FBLN7: variants seen among roughly 807,000 people sequenced by gnomAD.
FBLN7 encodes the protein fibulin-7.
FBLN7 carries 31 observed loss-of-function variants against 44.0 expected under a neutral mutation model. The observed-to-expected ratio is 0.70, with a 90% CI of 0.53 to 0.95. The LOEUF (loss-of-function observed/expected upper bound fraction) is 0.95. Among genes scored for constraint, FBLN7 ranks in the 40% least tolerant of loss-of-function variants. FBLN7 has a pLI of 0.00. For missense variants in FBLN7, 573 were observed against 618.5 expected, an observed-to-expected ratio of 0.93 and a Z score of 0.78; for synonymous variants, 262 against 253.4, an observed-to-expected ratio of 1.03 and a Z score of -0.32.
At chr2:112,160,736 ACGCACACACG>A (rs1681758168) in intron 2 of FBLN7, among the ~76,000 whole-genome samples, 6 of 102,152 alleles carry the variant, frequency 5.9e-5, no homozygotes, top group African/African-American at 2.3e-4. Flanking sequence ...ACGCACGCAC[ACGCACACACG>A]CGCACGCACA....
At chr2:112,141,091 C>T (rs903217783) in intron 1 of FBLN7, among the ~76,000 whole-genome samples, 24 of 152,348 alleles carry the variant, frequency 1.6e-4, no homozygotes, top group Non-Finnish European at 2.9e-4. Flanking sequence ...CTGCCGACCC[C>T]GCTACCTGCA....
At chr2:112,190,233 G>A (rs1683442315), downstream of FBLN7, 1 of 152,190 alleles carries the variant, frequency 6.6e-6, no homozygotes, top group South Asian at 2.1e-4. Flanking sequence ...CTTCCAGTAG[G>A]AGGAGCAAAA....
the FBLN7 span, chr2:112,213,626 A>G: frequency 1.3e-5 from 2 of 151,076 alleles, no homozygotes; most frequent in Non-Finnish European, 2.9e-5. Context: ...AATACAAAAA[A>G]TTAGCAGGGT....
chr2:112,233,283 C>T, the FBLN7 span: 2 of 1,592,016 alleles, frequency 1.3e-6, no homozygotes, highest in South Asian at 1.1e-5. Context: ...ACAGTTTTCA[C>T]CTCTGGTACA....
chr2:112,143,803 G>A (rs1359525833), intron 1 of FBLN7, among the ~76,000 whole-genome samples: 7 of 151,908 alleles, frequency 4.6e-5, no homozygotes, highest in African/African-American at 7.3e-5. Context: ...GGCTGGTCTC[G>A]AACTCCTGGG....
At chr2:112,180,649 G>A (rs190424066) in intron 4 of FBLN7, among the ~76,000 whole-genome samples, 210 of 152,282 alleles carry the variant, frequency 1.4e-3, no homozygotes, top group African/African-American at 4.9e-3. Flanking sequence ...GGCTGGGCGT[G>A]GTGGCTCACG....
the FBLN7 span, among the ~76,000 whole-genome samples, chr2:112,223,902 G>A: frequency 1.3e-5 from 2 of 152,178 alleles, no homozygotes; most frequent in African/African-American, 4.8e-5. Context: ...CAGCACTTTG[G>A]GAGGCCAAGG....
intron 2 of FBLN7, among the ~76,000 whole-genome samples, chr2:112,160,769 C>T (rs1464244893): frequency 1.5e-4 from 6 of 41,138 alleles, no homozygotes; most frequent in Middle Eastern, 0.026. Context: ...CGCACGCACA[C>T]GCAGACGCAC....
At chr2:112,149,660 A>G (rs887857209) in intron 1 of FBLN7, among the ~76,000 whole-genome samples, 1 of 152,242 alleles carries the variant, frequency 6.6e-6, no homozygotes, top group East Asian at 1.9e-4. Context: ...AACTTTCTTT[A>G]TCCTTTCAAA....
intron 1 of FBLN7, among the ~76,000 whole-genome samples, chr2:112,154,947 T>C (rs549197798): frequency 6.6e-6 from 1 of 152,238 alleles, no homozygotes; most frequent in South Asian, 2.1e-4. Flanking sequence ...AGAGCTGACA[T>C]AGAGCCTGCA....
At chr2:112,216,360 C>A in the FBLN7 span, 9 of 152,470 alleles carry the variant, frequency 5.9e-5, no homozygotes, top group African/African-American at 2.2e-4. Flanking sequence ...CCCAGTCACA[C>A]AAGAGGGCAC....
chr2:112,230,789 A>G, the FBLN7 span: 1 of 601,396 alleles, frequency 1.7e-6, no homozygotes, highest in Non-Finnish European at 2.5e-6. Context: ...ATTCTTTTTT[A>G]GTGGCGGAGG....
the FBLN7 span, among the ~76,000 whole-genome samples, chr2:112,227,466 A>T: frequency 6.6e-6 from 1 of 152,228 alleles, no homozygotes; most frequent in Non-Finnish European, 1.5e-5. Context: ...CCGCGGTTGC[A>T]GTGAACCGAG....
chr2:112,228,293 G>A, the FBLN7 span, among the ~76,000 whole-genome samples: 1 of 152,128 alleles, frequency 6.6e-6, no homozygotes, highest in Non-Finnish European at 1.5e-5. Context: ...CCTGAGGTCA[G>A]GAGTTCAAGA....
Position 112,181,861 on chromosome 2 carries a change from G to T in FBLN7, c.655G>T (p.Asp219Tyr). 1 of 1,529,882 alleles carries T rather than the reference G, an allele frequency of 6.5e-7. No homozygotes were observed. Among genetic ancestry groups the T allele is most frequent in the South Asian group, 1.2e-5 (1 of 84,182 alleles). 94.8% of individuals were successfully genotyped at this position (1,529,882 alleles called of 1,614,324 possible). A position where few individuals can be genotyped will look rare whatever the true frequency, so the allele number is the denominator to read the frequency against. Residue 219 changes from aspartate (D) to tyrosine (Y), a missense_variant, in exon 5 of 8, where the codon GAC becomes TAC. Asp to Tyr is a radical substitution (Grantham distance 160, BLOSUM62 -3). Transcript: ENST00000331203. Reference protein sequence around the residue: ...AGFHLSGAAGDSVCQDVNECE... With the variant: ...AGFHLSGAAGYSVCQDVNECE... ...ATTCCACCTGAGCGGCGCCGCCGGCGACAGCGTCTGCCAGGGTAGGCGCGG... is the reference window on the plus strand; with the variant it reads ...ATTCCACCTGAGCGGCGCCGCCGGCTACAGCGTCTGCCAGGGTAGGCGCGG...
intron 1 of FBLN7, among the ~76,000 whole-genome samples, chr2:112,153,592 G>A (rs570543876): frequency 9.2e-5 from 14 of 152,314 alleles, no homozygotes; most frequent in East Asian, 7.7e-4. Flanking sequence ...GAGCAGGTTC[G>A]GAGTGAGCCC....
intron 2 of FBLN7, among the ~76,000 whole-genome samples, chr2:112,163,604 G>A (rs1160810801): frequency 6.6e-6 from 1 of 152,154 alleles, no homozygotes; most frequent in Non-Finnish European, 1.5e-5. Flanking sequence ...AATCTTCACA[G>A]AGCAGCCAGG....
At chr2:112,196,077 G>T in the FBLN7 span, among the ~76,000 whole-genome samples, 1 of 152,230 alleles carries the variant, frequency 6.6e-6, no homozygotes, top group African/African-American at 2.4e-5. Flanking sequence ...CCCACTCAGT[G>T]TGGAGGTTGC....
chr2:112,185,122 C>A, intron 6 of FBLN7, 79 bp from the exon 7 acceptor site: 1 of 1,546,170 alleles, frequency 6.5e-7, no homozygotes, highest in Non-Finnish European at 8.8e-7. Context: ...ACAGGACCTG[C>A]AGGGCCTCTC....
Sources: allele counts gnomAD v4.1 joint callset (sites outside exome capture counted in the v4.1 genomes callset), GRCh38; gene constraint gnomAD v4.1.1; transcripts MANE v1.5; gene names NCBI Gene and HGNC (gene_info 2026-07-23, HGNC 2026-07-21).